OIP5: variants seen among roughly 807,000 people sequenced by gnomAD.
OIP5 encodes the protein protein Mis18-beta.
A neutral mutation model predicts 20.3 loss-of-function variants in OIP5; 24 were observed. The ratio of observed to expected loss-of-function variants is 1.18; its 90% CI spans 0.86 to 1.66. The LOEUF is 1.66. Ranked by LOEUF, OIP5 falls within the 40% of genes most tolerant of loss-of-function variation. The pLI is 0.00. For missense variants in OIP5, 339 were observed against 289.5 expected, an observed-to-expected ratio of 1.17 and a Z score of -1.24; for synonymous variants, 143 against 121.3, an observed-to-expected ratio of 1.18 and a Z score of -1.17.
At position 41,332,373 on chromosome 15, in the gene OIP5, G is replaced by A. The variant is rs2047940211; in HGVS notation, c.189C>T (p.Gly63=). Reference sequence around the variant, plus strand: ...GCTGCAGCCAAGACGGCAGCTGCGGGCCGGCGGCTGGCTCCTCAGCCCCCA... The same window carrying A: ...GCTGCAGCCAAGACGGCAGCTGCGGACCGGCGGCTGGCTCCTCAGCCCCCA... ...AGLGAEEPAA[G]PQLPSWLQPE... The change falls in exon 1 of 5, where the codon GGC becomes GGT. Residue 63 remains glycine (G), a synonymous_variant. Coordinates refer to ENST00000220514, the MANE Select transcript of OIP5 (RefSeq NM_007280.2). 8 of 1,612,364 alleles carry A rather than the reference G, an allele frequency of 5.0e-6. No individual in the cohort carries two copies. Among genetic ancestry groups the A allele is most frequent in the Non-Finnish European group, 6.8e-6 (8 of 1,179,214 alleles).
intron 2 of OIP5, among the ~76,000 whole-genome samples, chr15:41,325,711 G>A (rs1263737452): frequency 2.6e-5 from 4 of 151,578 alleles, no homozygotes; most frequent in Non-Finnish European, 5.9e-5. Flanking sequence ...TTAGCTGGGC[G>A]TGGTGGCACG....
intron 3 of OIP5, among the ~76,000 whole-genome samples, chr15:41,319,213 C>G (rs2047806974): frequency 6.6e-6 from 1 of 151,748 alleles, no homozygotes. Context: ...GCTGGGATTA[C>G]AGGTGTGCAC....
chr15:41,327,245 G>A (rs111652223), intron 2 of OIP5, among the ~76,000 whole-genome samples: 13 of 150,472 alleles, frequency 8.6e-5, no homozygotes, highest in African/African-American at 2.7e-4. Context: ...GCAATGGTGT[G>A]ATCTCGGCTC....
chr15:41,322,138 T>C (rs1202147690), intron 2 of OIP5, among the ~76,000 whole-genome samples: 3 of 152,046 alleles, frequency 2.0e-5, no homozygotes, highest in South Asian at 2.1e-4. Flanking sequence ...ATTTAAATAT[T>C]AGAAAGAAAC....
rs749453345 is a variant in OIP5 at position 41,332,344 on chromosome 15, T to A, written c.218A>T (p.Glu73Val). The change falls in exon 1 of 5, where the codon GAG (glutamate) becomes GTG (valine). Residue 73 changes from glutamate to valine, a missense_variant. Physicochemically the swap from Glu to Val is moderately radical, Grantham distance 121. Coordinates refer to ENST00000220514, the MANE Select transcript of OIP5 (RefSeq NM_007280.2). ...GPQLPSWLQPERCAVFQCAQC... is the reference protein window; with the variant it reads ...GPQLPSWLQPVRCAVFQCAQC... ...TGCGCACTGGAACACAGCGCACCTC[T>A]CAGGCTGCAGCCAAGACGGCAGCTG... 1 of 1,612,386 alleles carries A rather than the reference T, an allele frequency of 6.2e-7. No individual in the cohort carries two copies. The highest frequency in any genetic ancestry group is 8.5e-7 in the Non-Finnish European group (1 of 1,179,146).
intron 3 of OIP5, among the ~76,000 whole-genome samples, chr15:41,315,180 A>G (rs1163166662): frequency 6.6e-6 from 1 of 151,794 alleles, no homozygotes; most frequent in Non-Finnish European, 1.5e-5. Flanking sequence ...GTGTAATCCC[A>G]GCACTTTGGG....
In OIP5 at chr15:41,332,577, G is replaced by T. The variant is rs752837657; in HGVS notation, c.-16C>A. On this transcript the variant is annotated 5_prime_UTR_variant, in exon 1 of 5. Transcript: ENST00000220514. The stretch of plus-strand genomic sequence containing the variant: ...GAGCCGCCATCTTCCCGCAGCCGGC[G>T]CCTTCCTTTCGAATACACGCCAGGC... The T allele has an allele frequency of 4.6e-5, 73 of 1,587,102 alleles. No individual in the cohort carries two copies. In the East Asian group the frequency reaches 1.6e-3, roughly 34 times the overall value.
intron 2 of OIP5, among the ~76,000 whole-genome samples, chr15:41,324,027 AC>A (rs764143469): frequency 1.4e-5 from 1 of 69,228 alleles, no homozygotes; most frequent in Non-Finnish European, 2.9e-5. Flanking sequence ...TTGCTCTGTC[AC>A]CCACCCAGGC....
chr15:41,331,854 T>TC, intron 2 of OIP5, 61 bp downstream of exon 2: 1 of 1,400,818 alleles, frequency 7.1e-7, no homozygotes, highest in Non-Finnish European at 1.0e-6. Context: ...ACATGTCAGT[T>TC]CCACGATCCT....
intron 4 of OIP5, among the ~76,000 whole-genome samples, chr15:41,310,079 GC>G (rs1000453604): frequency 1.1e-4 from 17 of 152,034 alleles, no homozygotes; most frequent in African/African-American, 4.1e-4. Context: ...TTGCTTTGTT[GC>G]CCAGGCTGGT....
intron 3 of OIP5, among the ~76,000 whole-genome samples, chr15:41,315,099 CAAAAA>C (rs761038863): frequency 1.7e-5 from 1 of 57,690 alleles, no homozygotes; most frequent in Non-Finnish European, 3.6e-5. Flanking sequence ...GACCCTGTCT[CAAAAA>C]AAAAAAAAAA....
intron 2 of OIP5, among the ~76,000 whole-genome samples, chr15:41,325,573 G>A (rs375596890): frequency 6.6e-6 from 1 of 151,628 alleles, no homozygotes; most frequent in Non-Finnish European, 1.5e-5. Flanking sequence ...TCCCTGGGCT[G>A]GGCGCAGTGG....
At chr15:41,321,234 C>A (rs1168661013) in intron 2 of OIP5, among the ~76,000 whole-genome samples, 1 of 149,242 alleles carries the variant, frequency 6.7e-6, no homozygotes, top group African/African-American at 2.5e-5. Context: ...CCAGCCGCCC[C>A]GTCCGGGAGG....
chr15:41,329,262 T>C (rs1009821646), intron 2 of OIP5, among the ~76,000 whole-genome samples: 2 of 151,318 alleles, frequency 1.3e-5, no homozygotes, highest in Non-Finnish European at 2.9e-5. Context: ...GTAAGTCCCA[T>C]ATAGCTCATC....
chr15:41,321,182 C>T (rs1275333046), intron 2 of OIP5, among the ~76,000 whole-genome samples: 7 of 150,994 alleles, frequency 4.6e-5, no homozygotes, highest in Admixed American at 3.3e-4. Context: ...CAGCCAGCCG[C>T]CCCGTCCAGG....
intron 2 of OIP5, among the ~76,000 whole-genome samples, chr15:41,327,967 G>A (rs1052067911): frequency 6.6e-6 from 1 of 152,064 alleles, no homozygotes; most frequent in Admixed American, 6.6e-5. Flanking sequence ...GGGCATGGTG[G>A]TGCATGCCTT....
chr15:41,325,027 G>A (rs560529122), intron 2 of OIP5, among the ~76,000 whole-genome samples: 1 of 152,294 alleles, frequency 6.6e-6, no homozygotes, highest in Non-Finnish European at 1.5e-5. Context: ...AATGGGTGCG[G>A]TTTGTGGCAT....
At chr15:41,312,962 T>C (rs879337186) in intron 4 of OIP5, among the ~76,000 whole-genome samples, 11 of 152,186 alleles carry the variant, frequency 7.2e-5, no homozygotes, top group Non-Finnish European at 4.4e-5. Context: ...CACTCTTATG[T>C]CTGAGACAGT....
chr15:41,332,199 G>C (rs28492932), intron 1 of OIP5, 41 bp downstream of exon 1: 353,729 of 1,518,904 alleles, frequency 0.23, 43,326 homozygotes, highest in Non-Finnish European at 0.25. Flanking sequence ...ACACCCTCTC[G>C]GGCTAGCCTC....
Sources: allele counts gnomAD v4.1 joint callset (sites outside exome capture counted in the v4.1 genomes callset), GRCh38; gene constraint gnomAD v4.1.1; transcripts MANE v1.5; gene names NCBI Gene and HGNC (gene_info 2026-07-23, HGNC 2026-07-21).